Variants in PMFBP1 observed in about 807,000 individuals in gnomAD.
PMFBP1 encodes the protein polyamine modulated factor 1 binding protein 1.
PMFBP1 carries 131 observed loss-of-function variants against 137.8 expected under a neutral mutation model. The observed-to-expected ratio is 0.95, with a 90% CI of 0.82 to 1.10. The LOEUF is 1.10. Among genes scored for constraint, PMFBP1 ranks in the 50% least tolerant of loss-of-function variants. The pLI, the probability that PMFBP1 is intolerant of heterozygous loss-of-function variation, is 0.00. For synonymous variants in PMFBP1, 490 were observed against 450.4 expected (o/e 1.09, Z -1.11); for missense variants, 1,199 against 1,175.4 (o/e 1.02, Z -0.29).
the PMFBP1 span, among the ~76,000 whole-genome samples, chr16:72,211,993 T>C: frequency 6.6e-6 from 1 of 151,940 alleles, no homozygotes; most frequent in Non-Finnish European, 1.5e-5. Context: ...TGAGACCTTG[T>C]ATCAAAAAAT....
chr16:72,135,092 C>T (rs562356636), intron 9 of PMFBP1, among the ~76,000 whole-genome samples: 1 of 152,254 alleles, frequency 6.6e-6, no homozygotes, highest in East Asian at 1.9e-4. Flanking sequence ...CTCCAAATAC[C>T]TCTGTTTTGA....
chr16:72,192,503 TA>T, the PMFBP1 span, among the ~76,000 whole-genome samples: 1 of 152,274 alleles, frequency 6.6e-6, no homozygotes, highest in East Asian at 1.9e-4. Flanking sequence ...TTAAAGTCCT[TA>T]AAAAAATACA....
chr16:72,196,619 T>C, the PMFBP1 span, among the ~76,000 whole-genome samples: 1 of 152,240 alleles, frequency 6.6e-6, no homozygotes. Context: ...TTGGTTAATC[T>C]GAGTTGAAGA....
the PMFBP1 span, among the ~76,000 whole-genome samples, chr16:72,231,799 A>G: frequency 3.1e-4 from 46 of 148,106 alleles, no homozygotes; most frequent in Non-Finnish European, 5.8e-4. Context: ...GTGTTTTATT[A>G]CAAACCAGTA....
intron 2 of PMFBP1, among the ~76,000 whole-genome samples, chr16:72,169,490 A>C (rs1393958081): frequency 6.6e-6 from 1 of 152,204 alleles, no homozygotes; most frequent in Non-Finnish European, 1.5e-5. Flanking sequence ...TGTGAACAAA[A>C]ATTTAGAACC....
At chr16:72,134,543 T>C (rs188718729) in intron 9 of PMFBP1, among the ~76,000 whole-genome samples, 174 of 152,310 alleles carry the variant, frequency 1.1e-3, no homozygotes, top group South Asian at 3.9e-3. Context: ...AACCCTCCAC[T>C]GGCTTCCATC....
At chr16:72,206,625 G>A in the PMFBP1 span, among the ~76,000 whole-genome samples, 1 of 152,214 alleles carries the variant, frequency 6.6e-6, no homozygotes, top group African/African-American at 2.4e-5. Flanking sequence ...GAGGTTAACT[G>A]ACTTGCCCAA....
chr16:72,126,236 C>T, intron 14 of PMFBP1, 104 bp from the exon 15 acceptor site: 1 of 1,255,000 alleles, frequency 8.0e-7, no homozygotes, highest in Non-Finnish European at 1.1e-6. Context: ...CTCCTGTCTG[C>T]AGCAACCTGC....
At chr16:72,146,558 C>T (rs928379985) in intron 5 of PMFBP1, among the ~76,000 whole-genome samples, 4 of 152,118 alleles carry the variant, frequency 2.6e-5, no homozygotes, top group Non-Finnish European at 5.9e-5. Flanking sequence ...AAAGGGTATA[C>T]AATTAGGAAA....
chr16:72,228,344 T>C, the PMFBP1 span, among the ~76,000 whole-genome samples: 1 of 152,164 alleles, frequency 6.6e-6, no homozygotes, highest in Non-Finnish European at 1.5e-5. Context: ...CCCGATGCAG[T>C]TTATTCCCTT....
chr16:72,219,901 T>C, the PMFBP1 span, among the ~76,000 whole-genome samples: 1 of 152,244 alleles, frequency 6.6e-6, no homozygotes, highest in African/African-American at 2.4e-5. Flanking sequence ...TTAGGGTTCA[T>C]GGCCTAGAAA....
the PMFBP1 span, among the ~76,000 whole-genome samples, chr16:72,235,715 T>C: frequency 7.3e-6 from 1 of 137,118 alleles, no homozygotes; most frequent in Non-Finnish European, 1.5e-5. Context: ...GAACCTCTTT[T>C]ATTAAATTTA....
At chr16:72,124,612 A>C (rs2042425511) in intron 17 of PMFBP1, among the ~76,000 whole-genome samples, 155 bp downstream of exon 17, 1 of 152,238 alleles carries the variant, frequency 6.6e-6, no homozygotes, top group South Asian at 2.1e-4. Flanking sequence ...TTGAACCAGC[A>C]GCTGTGGCTC....
chr16:72,244,374 G>T, the PMFBP1 span, among the ~76,000 whole-genome samples: 3 of 152,160 alleles, frequency 2.0e-5, no homozygotes, highest in African/African-American at 7.2e-5. Flanking sequence ...ATGTGTAAGT[G>T]GGTTGTAAAT....
At position 72,129,112 on chromosome 16, in the gene PMFBP1, C is replaced by G; in HGVS notation, c.1904G>C (p.Gly635Ala). Residue 635 changes from glycine to alanine, a missense_variant, in exon 13 of 21, where the codon GGA becomes GCA. Gly to Ala is a moderately conservative substitution (Grantham distance 60, BLOSUM62 0). Transcript: ENST00000237353. ...KSKEHEKLME[G>A]ELEALRQEFK... ...TTCCTGCCGCAAAGCTTCAAGTTCTCCCTCCATCAGCTTCTCATGCTCTTT... is the reference window on the plus strand; with the variant it reads ...TTCCTGCCGCAAAGCTTCAAGTTCTGCCTCCATCAGCTTCTCATGCTCTTT... The G allele has an allele frequency of 6.2e-7, 1 of 1,614,216 alleles. No homozygotes were observed. The highest frequency in any genetic ancestry group is 8.5e-7 in the Non-Finnish European group (1 of 1,180,040).
At chr16:72,218,245 A>G in the PMFBP1 span, among the ~76,000 whole-genome samples, 4 of 152,370 alleles carry the variant, frequency 2.6e-5, no homozygotes, top group East Asian at 1.9e-4. Context: ...AAATTAATGA[A>G]TGTCCAGCAA....
downstream of PMFBP1, among the ~76,000 whole-genome samples, chr16:72,118,493 C>G (rs1474394711): frequency 6.6e-6 from 1 of 152,204 alleles, no homozygotes; most frequent in African/African-American, 2.4e-5. Context: ...CAGTGGGTTT[C>G]TTCCTTCACT....
chr16:72,146,896 A>T (rs2042815561), intron 5 of PMFBP1, among the ~76,000 whole-genome samples: 1 of 152,250 alleles, frequency 6.6e-6, no homozygotes. Context: ...ATGGAAGAAC[A>T]TTCCATGCTC....
chr16:72,233,995 G>T, the PMFBP1 span, among the ~76,000 whole-genome samples: 2 of 152,072 alleles, frequency 1.3e-5, no homozygotes, highest in African/African-American at 4.8e-5. Flanking sequence ...TTGACATTTG[G>T]GCTTTTTCCA....
Sources: allele counts gnomAD v4.1 joint callset (sites outside exome capture counted in the v4.1 genomes callset), GRCh38; gene constraint gnomAD v4.1.1; transcripts MANE v1.5; gene names NCBI Gene and HGNC (gene_info 2026-07-23, HGNC 2026-07-21).